Variants in SLC16A8 observed in about 807,000 individuals in gnomAD.
SLC16A8 encodes the protein solute carrier family 16 member 8.
In SLC16A8, 20 loss-of-function variants were observed where a neutral mutation model predicts 22.4. The observed-to-expected ratio is 0.89, with a 90% CI of 0.63 to 1.30. The LOEUF is 1.30. Among genes scored for constraint, SLC16A8 ranks in the 50% most tolerant of loss-of-function variants. The pLI is 0.00. For synonymous variants in SLC16A8, 393 were observed against 358.8 expected (o/e 1.10, Z -1.08); for missense variants, 817 against 740.3 (o/e 1.10, Z -1.20).
At chr22:38,083,722 A>G (rs2085956400) in intron 1 of SLC16A8, among the ~76,000 whole-genome samples, 1 of 152,134 alleles carries the variant, frequency 6.6e-6, no homozygotes, top group East Asian at 1.9e-4. Flanking sequence ...CAGCAGTTAC[A>G]AGCGCCCCCA....
Position 38,082,681 on chromosome 22 carries a change from G to A in SLC16A8, c.193C>T (p.Leu65=). Residue 65 remains leucine (L), a synonymous_variant, in exon 3 of 6, where the codon CTA becomes TTA. Transcript: ENST00000681075. Reference sequence around the variant, plus strand: ...TGACCCGTGCCGTAGAGCATGGCTAGCATGATGGAGGACACCCAGGCCGTG... The same window carrying A: ...TGACCCGTGCCGTAGAGCATGGCTAACATGATGGAGGACACCCAGGCCGTG... The part of the protein sequence containing the change: ...SDTAWVSSIM[L]AMLYGTGPVS... 6.3e-7 allele frequency: 1 copy of A among 1,585,332 alleles called. No individual in the cohort carries two copies. The highest frequency in any genetic ancestry group is 8.6e-7 in the Non-Finnish European group (1 of 1,167,818).
chr22:38,081,895 GCA>G lies in SLC16A8; in HGVS notation c.350_351del (p.Val117AlafsTer106). On this transcript the variant is annotated frameshift_variant, in exon 4 of 6. Coordinates refer to ENST00000681075, the MANE Select transcript of SLC16A8 (RefSeq NM_013356.3). LOFTEE classifies it high-confidence loss of function. Reference protein sequence around the residue: ...RLLELYLTAGVLTGLGLALNF... With the variant: ...RLLELYLTAGXLTGLGLALNF... The stretch of plus-strand genomic sequence containing the variant: ...GAGACCAGGGGGCCCTCACCTGTGA[GCA>G]CCCCAGCGGTCAGGTAGAGCTCCAG... 5 of 1,592,942 alleles carry G rather than the reference GCA, an allele frequency of 3.1e-6. No individual in the cohort carries two copies. The highest frequency in any genetic ancestry group is 4.3e-6 in the Non-Finnish European group (5 of 1,170,352).
chr22:38,080,452 T>G (rs2085898321), intron 5 of SLC16A8, among the ~76,000 whole-genome samples: 1 of 152,124 alleles, frequency 6.6e-6, no homozygotes, highest in Non-Finnish European at 1.5e-5. Context: ...GATGCACCAT[T>G]CTAAAGGCGT....
At chr22:38,082,384 C>T (rs2085931300) in intron 3 of SLC16A8, among the ~76,000 whole-genome samples, 1 of 152,236 alleles carries the variant, frequency 6.6e-6, no homozygotes, top group Non-Finnish European at 1.5e-5. Context: ...GGGAGTGCTT[C>T]TGTGGCTCTC....
chr22:38,082,429 T>C (rs2085932030), intron 3 of SLC16A8, among the ~76,000 whole-genome samples: 1 of 152,182 alleles, frequency 6.6e-6, no homozygotes, highest in Admixed American at 6.5e-5. Flanking sequence ...GGGTGTGGTC[T>C]TAGAAGGGGC....
At position 38,082,012 on chromosome 22, in the gene SLC16A8, C is replaced by T. The variant is rs757646843; in HGVS notation, c.235G>A (p.Val79Met). ...ACCGGGCGACAGCCAAAGCGGGTCA[C>T]GAGGATGCTGGACACGGGGCCTGTG... ...YGTGPVSSILVTRFGCRPVML... is the reference protein window; with the variant it reads ...YGTGPVSSILMTRFGCRPVML... Residue 79 changes from valine (V) to methionine (M), a missense_variant, in exon 4 of 6, where the codon GTG (valine) becomes ATG (methionine). By Grantham distance (21) the Val-to-Met change is conservative. Transcript: ENST00000681075. 5.1e-6 allele frequency: 8 copies of T among 1,578,912 alleles called. No individual in the cohort carries two copies. In the South Asian group the frequency reaches 5.8e-5, roughly 11 times the overall value.
At chr22:38,082,118 G>C (rs1197633989) in intron 3 of SLC16A8, 86 bp from the exon 4 acceptor site, 6 of 1,424,704 alleles carry the variant, frequency 4.2e-6, no homozygotes, top group Non-Finnish European at 5.6e-6. Context: ...CAGGGACACA[G>C]AGAGGAGGGC....
At chr22:38,081,854 C>T (rs1436650242) in intron 4 of SLC16A8, 35 bp downstream of exon 4, 49 of 1,573,952 alleles carry the variant, frequency 3.1e-5, no homozygotes, top group Non-Finnish European at 4.0e-5. Flanking sequence ...CCCCCGACCC[C>T]CAACCCAGCG....
At chr22:38,080,771 CAG>C (rs1451150908) in intron 5 of SLC16A8, 67 bp downstream of exon 5, 95 of 1,427,942 alleles carry the variant, frequency 6.7e-5, no homozygotes, top group Admixed American at 3.2e-4. Context: ...CCATCTGAGA[CAG>C]GGGGATGGAG....
rs1166026480 is a variant in SLC16A8 at position 38,082,659 on chromosome 22, C to CCCGTG, written c.210_214dup (p.Gly72AlafsTer10). On this transcript the variant is annotated frameshift_variant and splice_region_variant. Transcript: ENST00000681075. LOFTEE classifies it high-confidence loss of function. ...GCGGAGGGCCGGGCGGGGACACTGA[C>CCCGTG]CCGTGCCGTAGAGCATGGCTAGCAT... The CCCGTG allele has an allele frequency of 3.2e-6, 5 of 1,566,292 alleles. No individual in the cohort carries two copies. The highest frequency in any genetic ancestry group is 4.3e-6 in the Non-Finnish European group (5 of 1,157,338).
intron 5 of SLC16A8, among the ~76,000 whole-genome samples, chr22:38,079,325 C>T (rs948613860): frequency 2.6e-5 from 4 of 152,190 alleles, no homozygotes; most frequent in Admixed American, 2.6e-4. Flanking sequence ...CTGTGTTGCC[C>T]AGGCTGGTCC....
rs535486057 is a variant in SLC16A8, at chr22:38,084,089, GC to G, written c.-431del. ...CCCGGTGAAGCTTACCCGGATGGGGGCTGCCAGACACCCCAGCTTCCCACCA... is the reference window on the plus strand; with the variant it reads ...CCCGGTGAAGCTTACCCGGATGGGGGTGCCAGACACCCCAGCTTCCCACCA... On this transcript the variant is annotated 5_prime_UTR_variant, in exon 1 of 6. Transcript: ENST00000681075. 7 of 152,668 alleles carry G rather than the reference GC, an allele frequency of 4.6e-5. No individual in the cohort carries two copies. The highest frequency in any genetic ancestry group is 1.7e-4 in the African/African-American group (7 of 41,582). 9.5% of individuals were successfully genotyped at this position (152,668 alleles called of 1,614,324 possible).
intron 5 of SLC16A8, among the ~76,000 whole-genome samples, chr22:38,080,336 A>G (rs182916843): frequency 2.6e-5 from 4 of 152,240 alleles, no homozygotes; most frequent in South Asian, 4.1e-4. Context: ...TGCACAGTGA[A>G]AGACACCAGT....
rs370484494 is a variant in SLC16A8 at position 38,081,208 on chromosome 22, T to C, written c.830A>G (p.Tyr277Cys). Residue 277 changes from tyrosine to cysteine, a missense_variant, in exon 5 of 6, where the codon TAC becomes TGC. Transcript: ENST00000681075. ...GTCGGGCACGCCCGCGTCCTTGGCG[T>C]AGTTCACCAGCAGGATGGCGGGGAC... is the stretch of plus-strand genomic sequence containing the variant. ...LFVPAILLVN[Y>C]AKDAGVPDTD... is the part of the protein sequence containing the mutation. 23 of 1,570,660 alleles carry C rather than the reference T, an allele frequency of 1.5e-5. No individual in the cohort carries two copies. In the African/African-American group the frequency reaches 3.0e-4, roughly 20 times the overall value.
chr22:38,079,241 A>C (rs749373927), intron 5 of SLC16A8, among the ~76,000 whole-genome samples: 2 of 152,204 alleles, frequency 1.3e-5, no homozygotes, highest in Non-Finnish European at 2.9e-5. Context: ...CAAGGCTTCT[A>C]TCCCTTGTAG....
At chr22:38,078,827 T>C (rs2085881252) in intron 5 of SLC16A8, 123 bp from the exon 6 acceptor site, 1 of 734,796 alleles carries the variant, frequency 1.4e-6, no homozygotes, top group Admixed American at 2.8e-5. Context: ...GACACACACA[T>C]GCCCACTCTT....
At chr22:38,082,098 A>C in intron 3 of SLC16A8, 66 bp from the exon 4 acceptor site, 7 of 1,485,286 alleles carry the variant, frequency 4.7e-6, no homozygotes, top group Non-Finnish European at 6.3e-6. Flanking sequence ...GAATAAGGTC[A>C]CCTCCGGCTC....
intron 1 of SLC16A8, among the ~76,000 whole-genome samples, 196 bp downstream of exon 1, chr22:38,083,767 CACCAGGAGCCGGGGGCTGGGGATAG>C (rs561679070): frequency 0.23 from 35,448 of 151,620 alleles, 4,411 homozygotes; most frequent in African/African-American, 0.31. Context: ...GAGACAGGTG[CACCAGGAGCCGGGGGCTGGGGATAG>C]CCTCCTGCCC....
rs776087361 is a variant in SLC16A8, at chr22:38,078,647, T to G, written c.1256A>C (p.Glu419Ala). ...CATGAAGACCCCAGCCAGGGCCACC[T>G]CAGAGCCGGCCAGGTAGAAGATGAT... Reference protein sequence around the residue: ...YEIIFYLAGSEVALAGVFMAV... With the variant: ...YEIIFYLAGSAVALAGVFMAV... Residue 419 changes from glutamate to alanine, a missense_variant, in exon 6 of 6, where the codon GAG becomes GCG. Transcript: ENST00000681075. 1 of 1,613,706 alleles carries G rather than the reference T, an allele frequency of 6.2e-7. No homozygotes were observed. The highest frequency in any genetic ancestry group is 1.1e-5 in the South Asian group (1 of 91,076).
Sources: allele counts gnomAD v4.1 joint callset (sites outside exome capture counted in the v4.1 genomes callset), GRCh38; gene constraint gnomAD v4.1.1; transcripts MANE v1.5; gene names NCBI Gene and HGNC (gene_info 2026-07-23, HGNC 2026-07-21).